The following SLC12A6 variants were observed in gnomAD, a reference collection of about 807,000 sequenced individuals.
SLC12A6 encodes the protein K-Cl cotransporter 3.
Under a neutral mutation model 135.3 loss-of-function variants are expected in SLC12A6, and 66 were observed. That is an observed-to-expected ratio of 0.49 (90% CI 0.40 to 0.60). The LOEUF (loss-of-function observed/expected upper bound fraction) is 0.60, where lower values mean the gene tolerates loss of function less well. SLC12A6 is among the 20% of genes least tolerant of loss of function. SLC12A6 has a pLI of 0.00. For synonymous variants in SLC12A6, 513 were observed against 508.8 expected (o/e 1.01, Z -0.11); for missense variants, 1,058 against 1,452.3 (o/e 0.73, Z 4.41).
intron 2 of SLC12A6, among the ~76,000 whole-genome samples, chr15:34,282,208 C>A (rs532476754): frequency 6.6e-6 from 1 of 152,258 alleles, no homozygotes; most frequent in East Asian, 1.9e-4. Flanking sequence ...CGGTTTGGGG[C>A]AGGGATTGTA....
intron 2 of SLC12A6, among the ~76,000 whole-genome samples, chr15:34,307,569 T>C (rs79143940): frequency 0.039 from 5,963 of 152,236 alleles, 218 homozygotes; most frequent in African/African-American, 0.098. Flanking sequence ...CCTCCATCTC[T>C]CAAAGTGTTG....
intron 2 of SLC12A6, among the ~76,000 whole-genome samples, chr15:34,328,053 TTAGC>T (rs1351297083): frequency 6.6e-6 from 1 of 152,052 alleles, no homozygotes; most frequent in East Asian, 1.9e-4. Flanking sequence ...ATTGGTTAAA[TTAGC>T]TAGAAAACTG....
intron 2 of SLC12A6, among the ~76,000 whole-genome samples, chr15:34,313,455 TA>T (rs1399730088): frequency 1.3e-5 from 2 of 152,016 alleles, no homozygotes; most frequent in African/African-American, 4.8e-5. Flanking sequence ...GGGTGCAAAA[TA>T]AAAGTTTGAA....
At chr15:34,295,322 C>T (rs1895809549) in intron 2 of SLC12A6, among the ~76,000 whole-genome samples, 1 of 152,176 alleles carries the variant, frequency 6.6e-6, no homozygotes, top group Admixed American at 6.5e-5. Context: ...CTAGCTCTAC[C>T]ACATGTTATT....
intron 2 of SLC12A6, among the ~76,000 whole-genome samples, chr15:34,292,959 C>G (rs1337223098): frequency 6.6e-6 from 1 of 152,208 alleles, no homozygotes; most frequent in Non-Finnish European, 1.5e-5. Context: ...CCCCCGACCC[C>G]TTGTGCTTCC....
intron 22 of SLC12A6, chr15:34,237,170 A>G: frequency 2.1e-6 from 1 of 478,430 alleles, no homozygotes. Flanking sequence ...TAAGCAGATG[A>G]GAATCTGGCA....
intron 23 of SLC12A6, 102 bp from the exon 24 acceptor site, chr15:34,236,301 AGAGT>A (rs1305803755): frequency 3.2e-5 from 27 of 844,856 alleles, no homozygotes; most frequent in Non-Finnish European, 5.0e-5. Context: ...AATAACTGAC[AGAGT>A]GAGAAGGAAT....
chr15:34,230,101 C>T lies in SLC12A6; in HGVS notation c.*3780G>A, dbSNP rs1890825395. The T allele has an allele frequency of 5.6e-6, 2 of 354,692 alleles. No homozygotes were observed. The highest frequency in any genetic ancestry group is 4.7e-5 in the East Asian group (1 of 21,164). 22.0% of individuals were successfully genotyped at this position (354,692 alleles called of 1,614,324 possible). A position where few individuals can be genotyped will look rare whatever the true frequency, so the allele number is the denominator to read the frequency against. Reference sequence around the variant, plus strand: ...AGAATAACTGCTGCTAAATCAAGAACTGTTGCAGCATCTCCTTTCAATAAA... The same window carrying T: ...AGAATAACTGCTGCTAAATCAAGAATTGTTGCAGCATCTCCTTTCAATAAA... On this transcript the variant is annotated 3_prime_UTR_variant, in exon 26 of 26. Transcript: ENST00000354181.
intron 3 of SLC12A6, among the ~76,000 whole-genome samples, chr15:34,264,390 T>C (rs1262438332): frequency 2.7e-5 from 4 of 148,572 alleles, no homozygotes; most frequent in Non-Finnish European, 4.6e-5. Context: ...CCTCGAAATC[T>C]AACTATCAGT....
At chr15:34,242,997 G>A (rs976855159) in intron 16 of SLC12A6, among the ~76,000 whole-genome samples, 2 of 152,136 alleles carry the variant, frequency 1.3e-5, no homozygotes, top group Non-Finnish European at 1.5e-5. Flanking sequence ...GGGTTCAAGC[G>A]ATTCTCCTAC....
At position 34,245,887 on chromosome 15, in the gene SLC12A6, G is replaced by A; in HGVS notation, c.1650-20C>T. On this transcript the variant is annotated intron_variant, in intron 13 of 25. Transcript: ENST00000354181. ...CCGAACCTGGGAAAGAAATAGGAGT[G>A]GGAAATTTAATCTGGAAATAACTTT... The A allele has an allele frequency of 6.3e-7, 1 of 1,595,804 alleles. No homozygotes were observed.
intron 2 of SLC12A6, among the ~76,000 whole-genome samples, chr15:34,315,464 G>A (rs1003779378): frequency 1.3e-5 from 2 of 152,266 alleles, no homozygotes; most frequent in East Asian, 1.9e-4. Flanking sequence ...GTACATGCCT[G>A]TAGTCCAAGC....
intron 2 of SLC12A6, among the ~76,000 whole-genome samples, chr15:34,331,950 C>T (rs1474880779): frequency 6.6e-6 from 1 of 152,134 alleles, no homozygotes; most frequent in Non-Finnish European, 1.5e-5. Flanking sequence ...TCCAAGGCTA[C>T]ACACTAGATC....
In SLC12A6 at chr15:34,241,452, G is replaced by A. The variant is rs913654750; in HGVS notation, c.2163-115C>T. The A allele has an allele frequency of 1.2e-5, 8 of 672,748 alleles. No individual in the cohort carries two copies. In the Admixed American group the frequency reaches 1.8e-4, roughly 15 times the overall value. 41.7% of individuals were successfully genotyped at this position (672,748 alleles called of 1,614,324 possible). A position where few individuals can be genotyped will look rare whatever the true frequency, so the allele number is the denominator to read the frequency against. ...CACATGTGCAAGGTAGAAGATTAAAGCTCAGATTAATGATTTACATAATGT... is the reference window on the plus strand; with the variant it reads ...CACATGTGCAAGGTAGAAGATTAAAACTCAGATTAATGATTTACATAATGT... On this transcript the variant is annotated intron_variant, in intron 17 of 25. Transcript: ENST00000354181.
intron 2 of SLC12A6, among the ~76,000 whole-genome samples, chr15:34,305,413 C>A (rs1263571430): frequency 7.2e-6 from 1 of 138,582 alleles, no homozygotes; most frequent in African/African-American, 2.7e-5. Context: ...TTTTTTTTGG[C>A]TCCATGCTTT....
chr15:34,284,305 C>T (rs1171300729), intron 2 of SLC12A6, among the ~76,000 whole-genome samples: 3 of 103,376 alleles, frequency 2.9e-5, no homozygotes, highest in Non-Finnish European at 5.5e-5. Context: ...TTTTTTGAGA[C>T]GGAGTCCTGC....
chr15:34,241,069 AT>A lies in SLC12A6; in HGVS notation c.2267+163del, dbSNP rs1220008267. On this transcript the variant is annotated intron_variant, in intron 18 of 25. Transcript: ENST00000354181. Reference sequence around the variant, plus strand: ...TGTAGAAATCTTGATCATAAACGACATGAAGAAAAGGGAATAAAAAAATTAA... The same window carrying A: ...TGTAGAAATCTTGATCATAAACGACAGAAGAAAAGGGAATAAAAAAATTAA... The A allele has an allele frequency of 7.5e-6, 5 of 663,832 alleles. No homozygotes were observed. The East Asian group carries it at 1.4e-4, about 18-fold the overall frequency. The allele number at this position is 663,832 out of a possible 1,614,324, so 41.1% of individuals were successfully genotyped here.
intron 2 of SLC12A6, among the ~76,000 whole-genome samples, chr15:34,294,846 C>T (rs771153103): frequency 1.3e-5 from 2 of 152,194 alleles, no homozygotes; most frequent in Non-Finnish European, 2.9e-5. Context: ...TGAGCCACCA[C>T]ACCCAGCCTT....
At chr15:34,273,342 C>T (rs905448026) in intron 3 of SLC12A6, among the ~76,000 whole-genome samples, 1 of 152,176 alleles carries the variant, frequency 6.6e-6, no homozygotes, top group Non-Finnish European at 1.5e-5. Flanking sequence ...CAGATCAAGA[C>T]TCCATCTCAA....
Sources: allele counts gnomAD v4.1 joint callset (sites outside exome capture counted in the v4.1 genomes callset), GRCh38; gene constraint gnomAD v4.1.1; transcripts MANE v1.5; gene names NCBI Gene and HGNC (gene_info 2026-07-23, HGNC 2026-07-21).